CSMD1: variants seen among roughly 807,000 people sequenced by gnomAD.
CSMD1 encodes the protein CUB and Sushi multiple domains 1.
CSMD1 carries 213 observed loss-of-function variants against 417.5 expected under a neutral mutation model. That is an observed-to-expected ratio of 0.51 (90% CI 0.46 to 0.57). The LOEUF is 0.57. Among genes scored for constraint, CSMD1 ranks in the 20% least tolerant of loss-of-function variants. The pLI is 0.00. For synonymous variants in CSMD1, 2,862 were observed against 1,736.8 expected (o/e 1.65, Z -16.11); for missense variants, 6,923 against 4,529.7 (o/e 1.53, Z -15.17).
At chr8:4,534,302 T>G (rs1444131695) in intron 2 of CSMD1, among the ~76,000 whole-genome samples, 1 of 152,240 alleles carries the variant, frequency 6.6e-6, no homozygotes, top group East Asian at 1.9e-4. Flanking sequence ...CCGACTCATA[T>G]GGCTTTCCTT....
intron 18 of CSMD1, among the ~76,000 whole-genome samples, chr8:3,370,124 A>G (rs1585065155): frequency 6.6e-6 from 1 of 152,192 alleles, no homozygotes; most frequent in South Asian, 2.1e-4. Flanking sequence ...CGGGAATTCA[A>G]TTCTTAAGAT....
At chr8:3,347,122 G>A (rs372794617) in intron 22 of CSMD1, among the ~76,000 whole-genome samples, 7 of 152,218 alleles carry the variant, frequency 4.6e-5, no homozygotes, top group African/African-American at 1.7e-4. Context: ...ATATGTTTAC[G>A]AATTTGTGTT....
At chr8:3,429,494 G>A (rs943484900) in intron 12 of CSMD1, among the ~76,000 whole-genome samples, 3 of 152,068 alleles carry the variant, frequency 2.0e-5, no homozygotes, top group African/African-American at 4.8e-5. Flanking sequence ...ATTCTTAAAC[G>A]CCCCTGCAGG....
intron 1 of CSMD1, among the ~76,000 whole-genome samples, chr8:4,794,647 G>T (rs1283818079): frequency 6.6e-6 from 1 of 152,086 alleles, no homozygotes; most frequent in Admixed American, 6.6e-5. Flanking sequence ...CCTCCCCATT[G>T]TCCCCATACC....
chr8:4,628,787 A>C (rs892770213), intron 2 of CSMD1, among the ~76,000 whole-genome samples: 1 of 152,064 alleles, frequency 6.6e-6, no homozygotes, highest in Non-Finnish European at 1.5e-5. Flanking sequence ...CCTCTACTGA[A>C]ATCACTACAA....
In CSMD1 at chr8:4,692,313, T is replaced by C. The variant is rs548994746; in HGVS notation, c.86-54755A>G. On this transcript the variant is annotated intron_variant, in intron 1 of 69. Coordinates refer to ENST00000635120, the MANE Select transcript of CSMD1 (RefSeq NM_033225.6). Reference sequence around the variant, plus strand: ...AAAGGGAGAAACTCATTAAAGGAAATTTAAAAACAAAAAAAGAATGTATTA... The same window carrying C: ...AAAGGGAGAAACTCATTAAAGGAAACTTAAAAACAAAAAAAGAATGTATTA... 3.3e-5 allele frequency among the ~76,000 whole-genome samples: 5 copies of C among 152,130 alleles called. No individual in the cohort carries two copies. The East Asian group carries it at 9.7e-4, about 29-fold the overall frequency.
intron 1 of CSMD1, among the ~76,000 whole-genome samples, chr8:4,830,004 G>A (rs143691038): frequency 1.2e-4 from 18 of 152,218 alleles, no homozygotes; most frequent in Admixed American, 2.0e-4. Context: ...CCGTGCTCTC[G>A]TGATGAACTG....
chr8:4,712,046 G>C (rs1808337626), intron 1 of CSMD1, among the ~76,000 whole-genome samples: 2 of 152,162 alleles, frequency 1.3e-5, no homozygotes, highest in African/African-American at 2.4e-5. Context: ...TTTCTCAGGA[G>C]AAATCCCATA....
chr8:3,709,190 G>C (rs1380074098), intron 6 of CSMD1, among the ~76,000 whole-genome samples: 1 of 150,186 alleles, frequency 6.7e-6, no homozygotes, highest in African/African-American at 2.5e-5. Context: ...AAAAAATGGG[G>C]GATGCATCTT....
chr8:4,143,391 A>G (rs1475339589), intron 3 of CSMD1, among the ~76,000 whole-genome samples: 2 of 140,964 alleles, frequency 1.4e-5, no homozygotes, highest in African/African-American at 5.6e-5. Context: ...TTTTTTTGCT[A>G]CAGACTAAGT....
intron 10 of CSMD1, among the ~76,000 whole-genome samples, chr8:3,494,412 G>A (rs1045561042): frequency 6.6e-6 from 1 of 152,094 alleles, no homozygotes; most frequent in East Asian, 1.9e-4. Flanking sequence ...CCAATACTAT[G>A]AGGAAGAAAA....
chr8:3,477,747 T>A (rs1228904228), intron 11 of CSMD1, among the ~76,000 whole-genome samples: 1 of 152,128 alleles, frequency 6.6e-6, no homozygotes, highest in African/African-American at 2.4e-5. Flanking sequence ...CTCTCACATA[T>A]CTTCAGATAC....
rs1801499682 is a variant in CSMD1, at chr8:2,936,523, C to T, written c.*2062G>A. The T allele has an allele frequency of 6.6e-6, 1 of 152,138 alleles. No individual in the cohort carries two copies. Among genetic ancestry groups the T allele is most frequent in the African/African-American group, 2.4e-5 (1 of 41,422 alleles). 9.4% of individuals were successfully genotyped at this position (152,138 alleles called of 1,614,324 possible). A position where few individuals can be genotyped will look rare whatever the true frequency, so the allele number is the denominator to read the frequency against. On this transcript the variant is annotated 3_prime_UTR_variant, in exon 70 of 70. Coordinates refer to ENST00000635120, the MANE Select transcript of CSMD1 (RefSeq NM_033225.6). ...ACGACTCCCGCTGACCTCGTCCCGT[C>T]TACTGTGAAACAGCAATGTAAGGAT... is the stretch of plus-strand genomic sequence containing the variant.
chr8:4,505,987 G>C (rs1401616964), intron 2 of CSMD1, among the ~76,000 whole-genome samples: 1 of 151,822 alleles, frequency 6.6e-6, no homozygotes, highest in Admixed American at 6.6e-5. Context: ...TAGTGGAGAT[G>C]GGGTGTCAAT....
intron 5 of CSMD1, among the ~76,000 whole-genome samples, chr8:3,768,396 C>T (rs948895199): frequency 6.6e-6 from 1 of 152,158 alleles, no homozygotes; most frequent in Non-Finnish European, 1.5e-5. Flanking sequence ...AGTAACATTC[C>T]TTTAGATCAA....
chr8:4,513,843 C>G (rs766792993), intron 2 of CSMD1, among the ~76,000 whole-genome samples: 1 of 152,162 alleles, frequency 6.6e-6, no homozygotes, highest in African/African-American at 2.4e-5. Flanking sequence ...GCTCTGACAA[C>G]CATAAAATTA....
rs370858343 is a variant in CSMD1 at position 3,087,133 on chromosome 8, T to C, written c.7438A>G (p.Met2480Val). The part of the protein sequence containing the change: ...NATCRRNPLG[M>V]YQWDSLTPLC... ...GGCGTGAGGGAGTCCCACTGGTACA[T>C]GCCAAGTGGGTTTCGTCTACAGGTT... Residue 2480 changes from methionine to valine, a missense_variant, in exon 49 of 70, where the codon ATG (methionine) becomes GTG (valine). By Grantham distance (21) the Met-to-Val change is conservative. Transcript: ENST00000635120. The C allele has an allele frequency of 1.7e-4, 275 of 1,613,742 alleles. 2 individuals carry two copies. In the Middle Eastern group the frequency reaches 2.9e-3, roughly 17 times the overall value.
At chr8:3,723,791 G>C (rs546656158) in intron 6 of CSMD1, among the ~76,000 whole-genome samples, 1 of 152,226 alleles carries the variant, frequency 6.6e-6, no homozygotes, top group South Asian at 2.1e-4. Context: ...GTGAACCCAT[G>C]ATTTCAAAAT....
chr8:3,339,891 A>G (rs1287984458), intron 23 of CSMD1, among the ~76,000 whole-genome samples: 1 of 152,234 alleles, frequency 6.6e-6, no homozygotes, highest in Admixed American at 6.5e-5. Flanking sequence ...GTATGAACAT[A>G]GACAAGTCTG....
Sources: allele counts gnomAD v4.1 joint callset (sites outside exome capture counted in the v4.1 genomes callset), GRCh38; gene constraint gnomAD v4.1.1; transcripts MANE v1.5; gene names NCBI Gene and HGNC (gene_info 2026-07-23, HGNC 2026-07-21).